The following BAALC variants were observed in gnomAD, a reference collection of about 807,000 sequenced individuals.
The protein encoded by BAALC is BAALC binder of MAP3K1 and KLF4.
Under a neutral mutation model 15.5 loss-of-function variants are expected in BAALC, and 9 were observed. The ratio of observed to expected loss-of-function variants is 0.58; its 90% CI spans 0.35 to 1.02. BAALC has a LOEUF of 1.02. BAALC is among the 50% of genes least tolerant of loss of function. BAALC has a pLI of 0.02. For synonymous variants in BAALC, 80 were observed against 74.6 expected, an observed-to-expected ratio of 1.07 and a Z score of -0.37; for missense variants, 201 against 192.4, an observed-to-expected ratio of 1.04 and a Z score of -0.27.
At chr8:103,194,973 T>C (rs897289437) in intron 1 of BAALC, among the ~76,000 whole-genome samples, 1 of 152,120 alleles carries the variant, frequency 6.6e-6, no homozygotes, top group African/African-American at 2.4e-5. Flanking sequence ...TCAACATGAA[T>C]TTTGGAGGGG....
intron 1 of BAALC, among the ~76,000 whole-genome samples, chr8:103,142,639 G>A (rs1401486969): frequency 2.0e-5 from 3 of 152,164 alleles, no homozygotes; most frequent in East Asian, 1.9e-4. Context: ...CCAAAACCCC[G>A]TAAGTACAGC....
intron 1 of BAALC, among the ~76,000 whole-genome samples, chr8:103,146,271 C>G (rs1049029642): frequency 6.6e-6 from 1 of 152,172 alleles, no homozygotes; most frequent in East Asian, 1.9e-4. Context: ...TCCGAGCCAA[C>G]CCTCCCACCC....
intron 2 of BAALC, among the ~76,000 whole-genome samples, chr8:103,219,020 G>C (rs895393785): frequency 2.6e-5 from 4 of 152,174 alleles, no homozygotes; most frequent in African/African-American, 7.2e-5. Flanking sequence ...TTAAAAGGAG[G>C]GAGCGAACAA....
intron 1 of BAALC, among the ~76,000 whole-genome samples, chr8:103,149,104 G>A (rs1281969296): frequency 1.3e-5 from 2 of 152,202 alleles, no homozygotes; most frequent in Non-Finnish European, 2.9e-5. Flanking sequence ...CAGAATTCAG[G>A]TCTCTTGTTT....
intron 2 of BAALC, among the ~76,000 whole-genome samples, chr8:103,222,525 A>T (rs1812700609): frequency 6.6e-6 from 1 of 151,744 alleles, no homozygotes; most frequent in African/African-American, 2.4e-5. Flanking sequence ...TGGGCAAGAT[A>T]AAAAAATCAG....
intron 1 of BAALC, among the ~76,000 whole-genome samples, chr8:103,162,566 T>G (rs925417409): frequency 3.9e-5 from 6 of 152,166 alleles, no homozygotes; most frequent in Admixed American, 6.5e-5. Context: ...AGAACTCCAG[T>G]GCAAGCCCCA....
At chr8:103,214,068 A>G (rs538125968) in intron 2 of BAALC, among the ~76,000 whole-genome samples, 12 of 152,322 alleles carry the variant, frequency 7.9e-5, no homozygotes, top group African/African-American at 2.9e-4. Context: ...CAGTGGGGGA[A>G]AGTGAGATAA....
chr8:103,162,735 T>G (rs547193429), intron 1 of BAALC, among the ~76,000 whole-genome samples: 2 of 131,398 alleles, frequency 1.5e-5, no homozygotes, highest in South Asian at 5.4e-4. Flanking sequence ...AATGGCAAGT[T>G]TCTAGAAAAG....
intron 2 of BAALC, among the ~76,000 whole-genome samples, chr8:103,220,965 G>A (rs1812663626): frequency 1.3e-5 from 2 of 152,160 alleles, no homozygotes; most frequent in South Asian, 2.1e-4. Flanking sequence ...ATATATTTGT[G>A]GAGTTCAAGC....
chr8:103,163,324 G>A (rs1460474955), intron 1 of BAALC, among the ~76,000 whole-genome samples: 1 of 152,026 alleles, frequency 6.6e-6, no homozygotes, highest in Non-Finnish European at 1.5e-5. Flanking sequence ...ACCTGCTGCT[G>A]ACGTTATCCT....
intron 1 of BAALC, among the ~76,000 whole-genome samples, chr8:103,174,671 C>A (rs375316573): frequency 9.2e-5 from 14 of 152,348 alleles, no homozygotes; most frequent in African/African-American, 3.1e-4. Context: ...CAAGAAGGCA[C>A]CTTGGCCATG....
chr8:103,205,836 A>G (rs755370243), intron 1 of BAALC, among the ~76,000 whole-genome samples: 2 of 152,152 alleles, frequency 1.3e-5, no homozygotes, highest in Admixed American at 1.3e-4. Flanking sequence ...TTAAACTTCA[A>G]TTTCTTCTTC....
At chr8:103,195,446 A>G (rs1812071278) in intron 1 of BAALC, among the ~76,000 whole-genome samples, 1 of 152,240 alleles carries the variant, frequency 6.6e-6, no homozygotes, top group South Asian at 2.1e-4. Flanking sequence ...TTCATGAGGA[A>G]TCTGGAGAAG....
intron 1 of BAALC, among the ~76,000 whole-genome samples, chr8:103,182,089 A>C (rs920677763): frequency 2.6e-5 from 4 of 152,104 alleles, no homozygotes; most frequent in African/African-American, 9.7e-5. Flanking sequence ...TTCTTCTTTT[A>C]TCTTCCTCAT....
At chr8:103,167,594 T>C (rs1390456645) in intron 1 of BAALC, among the ~76,000 whole-genome samples, 1 of 152,206 alleles carries the variant, frequency 6.6e-6, no homozygotes, top group Non-Finnish European at 1.5e-5. Context: ...TCAGATATGA[T>C]GAAAAGTTGG....
intron 1 of BAALC, among the ~76,000 whole-genome samples, chr8:103,142,068 C>G (rs867880583): frequency 1.3e-5 from 2 of 152,168 alleles, no homozygotes; most frequent in African/African-American, 4.8e-5. Flanking sequence ...TGTTTCTTCA[C>G]CCACTGATAT....
intron 1 of BAALC, among the ~76,000 whole-genome samples, chr8:103,159,049 T>C (rs1391744670): frequency 3.3e-5 from 5 of 152,204 alleles, no homozygotes; most frequent in African/African-American, 7.2e-5. Flanking sequence ...ATTTTGTCAA[T>C]TTAAAAATTA....
At chr8:103,227,962 C>A (rs1812843118) in intron 2 of BAALC, 27 bp from the exon 3 acceptor site, 7 of 1,503,232 alleles carry the variant, frequency 4.7e-6, no homozygotes, top group Non-Finnish European at 6.5e-6. Context: ...TTCCTAGTAA[C>A]TCAATTCACT....
chr8:103,201,990 T>C (rs569672417), intron 1 of BAALC, among the ~76,000 whole-genome samples: 7 of 152,334 alleles, frequency 4.6e-5, no homozygotes, highest in East Asian at 3.9e-4. Flanking sequence ...TATACATGTC[T>C]ATGCACTGAA....
Sources: gnomAD v4.1 joint callset for allele counts (sites outside exome capture counted in the v4.1 genomes callset) on GRCh38, gnomAD v4.1.1 for gene constraint, MANE v1.5 for transcripts, NCBI Gene and HGNC (gene_info 2026-07-23, HGNC 2026-07-21) for gene names.